Variants in DGKI observed in about 807,000 individuals in gnomAD.
DGKI encodes the protein DAG kinase iota.
DGKI carries 55 observed loss-of-function variants against 147.5 expected under a neutral mutation model. The observed-to-expected ratio is 0.37, with a 90% CI of 0.30 to 0.47. The LOEUF (loss-of-function observed/expected upper bound fraction) is 0.47. Ranked by LOEUF, DGKI falls within the 20% of genes least tolerant of loss-of-function variation. The probability of loss-of-function intolerance (pLI) is 1.00; values close to 1 mark genes in which losing one functional copy is unlikely to be tolerated. For synonymous variants in DGKI, 469 were observed against 477.1 expected (o/e 0.98, Z 0.22); for missense variants, 1,007 against 1,323.8 (o/e 0.76, Z 3.71).
At chr7:137,555,742 T>C (rs1238746373) in intron 19 of DGKI, among the ~76,000 whole-genome samples, 1 of 152,120 alleles carries the variant, frequency 6.6e-6, no homozygotes, top group Non-Finnish European at 1.5e-5. Context: ...TCAAAAAATG[T>C]TCCTCATTTT....
At chr7:137,578,125 C>T in intron 16 of DGKI, 145 bp downstream of exon 16, 1 of 561,254 alleles carries the variant, frequency 1.8e-6, no homozygotes, top group South Asian at 2.7e-5. Flanking sequence ...CATTCTTAAG[C>T]CCAGCCATGA....
intron 1 of DGKI, among the ~76,000 whole-genome samples, chr7:137,750,436 C>T (rs1468137842): frequency 8.3e-6 from 1 of 119,806 alleles, no homozygotes; most frequent in Admixed American, 8.3e-5. Flanking sequence ...GTGCCTAGAA[C>T]AAAGCCTGGC....
chr7:137,455,920 G>T (rs1336096937), intron 27 of DGKI, among the ~76,000 whole-genome samples: 2 of 151,996 alleles, frequency 1.3e-5, no homozygotes, highest in African/African-American at 4.8e-5. Context: ...GAATTTTTTT[G>T]AAAATATTTC....
chr7:137,701,645 G>C (rs531931026), intron 1 of DGKI, among the ~76,000 whole-genome samples: 1 of 152,136 alleles, frequency 6.6e-6, no homozygotes, highest in East Asian at 1.9e-4. Context: ...TAAAATATTT[G>C]TAAGACCTTA....
chr7:137,579,660 A>G (rs989132883), intron 15 of DGKI, among the ~76,000 whole-genome samples: 1 of 152,090 alleles, frequency 6.6e-6, no homozygotes, highest in African/African-American at 2.4e-5. Context: ...TATTATTTCC[A>G]ATTAACATAA....
chr7:137,549,062 C>T (rs550068450), intron 20 of DGKI, among the ~76,000 whole-genome samples: 3 of 152,110 alleles, frequency 2.0e-5, no homozygotes, highest in African/African-American at 4.8e-5. Flanking sequence ...GAAGTAGAAG[C>T]GACTGAGGGA....
rs558182385 is a variant in DGKI, at chr7:137,518,881, T to C, written c.2248+2985A>G. Among the ~76,000 whole-genome samples the C allele has an allele frequency of 3.9e-5, 6 of 152,250 alleles. No individual in the cohort carries two copies. In the South Asian group the frequency reaches 8.3e-4, roughly 21 times the overall value. ...ATAAGCTTTATTAAGGACCCACTTG[T>C]ATACTTCTGTTTATGAGAGTGATTT... On this transcript the variant is annotated intron_variant, in intron 21 of 32. Coordinates refer to ENST00000614521, the MANE Select transcript of DGKI (RefSeq NM_001321708.2).
At chr7:137,631,990 A>C (rs553555206) in intron 6 of DGKI, among the ~76,000 whole-genome samples, 28 of 152,280 alleles carry the variant, frequency 1.8e-4, no homozygotes, top group African/African-American at 6.5e-4. Flanking sequence ...GTTAGACCTG[A>C]TGCTAGGAAA....
chr7:137,619,416 T>C (rs1332907577), intron 8 of DGKI, among the ~76,000 whole-genome samples: 1 of 152,178 alleles, frequency 6.6e-6, no homozygotes, highest in Admixed American at 6.5e-5. Context: ...GGCAGGAATC[T>C]TAACCAAACC....
intron 28 of DGKI, among the ~76,000 whole-genome samples, chr7:137,437,553 T>C (rs994451564): frequency 6.6e-6 from 1 of 152,194 alleles, no homozygotes; most frequent in Non-Finnish European, 1.5e-5. Flanking sequence ...TGCATTATCA[T>C]AGAAATATCA....
intron 21 of DGKI, among the ~76,000 whole-genome samples, chr7:137,509,750 AAG>A (rs1276579685): frequency 5.9e-5 from 9 of 152,342 alleles, no homozygotes; most frequent in African/African-American, 2.2e-4. Flanking sequence ...GAATTGGGGA[AAG>A]AAAATTCTGA....
intron 23 of DGKI, among the ~76,000 whole-genome samples, chr7:137,479,256 A>C (rs994055190): frequency 6.6e-6 from 1 of 152,194 alleles, no homozygotes; most frequent in Non-Finnish European, 1.5e-5. Flanking sequence ...TAAATATAAT[A>C]ATCTTCTAAA....
chr7:137,635,607 C>A (rs1821282211), intron 6 of DGKI, among the ~76,000 whole-genome samples: 1 of 152,140 alleles, frequency 6.6e-6, no homozygotes, highest in African/African-American at 2.4e-5. Flanking sequence ...ACCATGAGAT[C>A]CACTGGACTA....
At chr7:137,527,581 T>C (rs834090) in intron 20 of DGKI, among the ~76,000 whole-genome samples, 1 of 152,176 alleles carries the variant, frequency 6.6e-6, no homozygotes, top group African/African-American at 2.4e-5. Context: ...TTCTACATTT[T>C]GTACCTTATA....
intron 30 of DGKI, among the ~76,000 whole-genome samples, chr7:137,400,048 A>T (rs752519671): frequency 6.6e-6 from 1 of 152,216 alleles, no homozygotes; most frequent in Non-Finnish European, 1.5e-5. Context: ...AGCAGGTCAC[A>T]CTACATCAAG....
At position 137,386,702 on chromosome 7, in the gene DGKI, G is replaced by C. The variant is rs972162810; in HGVS notation, c.*4518C>G. ...AATGGATGACTGGGGACACAGAAAA[G>C]GGTAGGGTCCAAGTCGATCTGACAG... On this transcript the variant is annotated 3_prime_UTR_variant, in exon 33 of 33. Coordinates refer to ENST00000614521, the MANE Select transcript of DGKI (RefSeq NM_001321708.2). 13 of 152,058 alleles carry C rather than the reference G, an allele frequency of 8.5e-5. No individual in the cohort carries two copies. The highest frequency in any genetic ancestry group is 3.1e-4 in the African/African-American group (13 of 41,424). The allele number at this position is 152,058 out of a possible 1,614,324, so 9.4% of individuals were successfully genotyped here.
At position 137,698,563 on chromosome 7, in the gene DGKI, T is replaced by C. The variant is rs189561420; in HGVS notation, c.402-8561A>G. On this transcript the variant is annotated intron_variant, in intron 1 of 32. Coordinates refer to ENST00000614521, the MANE Select transcript of DGKI (RefSeq NM_001321708.2). ...AGTATAACCATGGCAGAGATCTTCT[T>C]GTGTCAGAGACAATACCTCGGAAGG... Among the ~76,000 whole-genome samples, 720 of 152,230 alleles carry C rather than the reference T, an allele frequency of 4.7e-3. 4 individuals carry two copies. Among genetic ancestry groups the C allele is most frequent in the African/African-American group, 0.016 (682 of 41,526 alleles).
intron 28 of DGKI, among the ~76,000 whole-genome samples, chr7:137,428,657 T>C (rs1249178461): frequency 1.3e-5 from 2 of 152,062 alleles, no homozygotes; most frequent in East Asian, 3.9e-4. Flanking sequence ...AAAACCCCAT[T>C]GTCTCAGCCC....
chr7:137,768,372 G>A (rs961153083), intron 1 of DGKI, among the ~76,000 whole-genome samples: 2 of 152,142 alleles, frequency 1.3e-5, no homozygotes, highest in Non-Finnish European at 2.9e-5. Context: ...ATAGTGGGGA[G>A]GGAGTGAGGC....
Sources: gnomAD v4.1 joint callset for allele counts (sites outside exome capture counted in the v4.1 genomes callset) on GRCh38, gnomAD v4.1.1 for gene constraint, MANE v1.5 for transcripts, NCBI Gene and HGNC (gene_info 2026-07-23, HGNC 2026-07-21) for gene names.